CAV3: variants seen among roughly 807,000 people sequenced by gnomAD.
CAV3 encodes caveolin 3.
In CAV3, 10 loss-of-function variants were observed where a neutral mutation model predicts 13.4. The observed-to-expected ratio is 0.75, with a 90% CI of 0.46 to 1.27. CAV3 has a LOEUF of 1.27. Among genes scored for constraint, CAV3 ranks in the 50% most tolerant of loss-of-function variants. The probability of loss-of-function intolerance (pLI) is 0.00; values close to 1 mark genes in which losing one functional copy is unlikely to be tolerated. For missense variants in CAV3, 162 were observed against 194.0 expected (o/e 0.83, Z 0.98); for synonymous variants, 90 against 79.0 (o/e 1.14, Z -0.74).
chr3:8,734,205 A>T (rs528327767), intron 1 of CAV3, among the ~76,000 whole-genome samples: 1 of 150,486 alleles, frequency 6.6e-6, no homozygotes, highest in Non-Finnish European at 1.5e-5. Flanking sequence ...GCAAAAAATT[A>T]GCCTCATCTC....
In CAV3 at chr3:8,745,883, C is replaced by T; in HGVS notation, c.*16C>T. On this transcript the variant is annotated 3_prime_UTR_variant, in exon 2 of 2. Coordinates refer to ENST00000343849, the MANE Select transcript of CAV3 (RefSeq NM_033337.3). This position sits in a 1 kb window ranked among gnomAD's most constrained non-coding sequence, Gnocchi z 4.8. The stretch of plus-strand genomic sequence containing the variant: ...GGAGGTCTAAAGCCAGGTGGGGCAA[C>T]AGCGGTGGCAGGGCAGGGGGTGGTG... 6.2e-7 allele frequency: 1 copy of T among 1,602,062 alleles called. No individual in the cohort carries two copies. Among genetic ancestry groups the T allele is most frequent in the Admixed American group, 1.7e-5 (1 of 59,872 alleles).
intron 1 of CAV3, among the ~76,000 whole-genome samples, chr3:8,744,692 C>A (rs190379923): frequency 3.3e-5 from 5 of 152,244 alleles, no homozygotes; most frequent in African/African-American, 1.2e-4. Context: ...ATGTGAGGAA[C>A]CTCTGCCTGT....
chr3:8,735,140 C>G (rs1481231373), intron 1 of CAV3, among the ~76,000 whole-genome samples: 1 of 152,216 alleles, frequency 6.6e-6, no homozygotes, highest in Non-Finnish European at 1.5e-5. Flanking sequence ...GCATTGGAAT[C>G]TCAGGCCAGT....
At chr3:8,738,006 C>T (rs1707818210) in intron 1 of CAV3, among the ~76,000 whole-genome samples, 1 of 151,614 alleles carries the variant, frequency 6.6e-6, no homozygotes, top group Non-Finnish European at 1.5e-5. Context: ...CTCTCTCTCT[C>T]CTCTTTCTTC....
At chr3:8,741,992 T>A (rs1219584943) in intron 1 of CAV3, among the ~76,000 whole-genome samples, 1 of 152,186 alleles carries the variant, frequency 6.6e-6, no homozygotes. Flanking sequence ...CTGCACACAG[T>A]GTCCTGAGCC....
chr3:8,740,162 G>T (rs554310444), intron 1 of CAV3, among the ~76,000 whole-genome samples: 1 of 152,108 alleles, frequency 6.6e-6, no homozygotes, highest in African/African-American at 2.4e-5. Context: ...TTCTAACATG[G>T]GGGCTCAGTG....
In CAV3 at chr3:8,745,095, C is replaced by T. The variant is rs1385422488; in HGVS notation, c.115-431C>T. The stretch of plus-strand genomic sequence containing the variant: ...GGTGATCGGATCACAGAGGCAGATC[C>T]CTCGTGGCTTAGTGCTGTCCTCACA... On this transcript the variant is annotated intron_variant, in intron 1 of 1. Coordinates refer to ENST00000343849, the MANE Select transcript of CAV3 (RefSeq NM_033337.3). The surrounding 1 kb of genome is among the most constrained non-coding windows in gnomAD (Gnocchi z 4.8). The T allele has an allele frequency of 1.7e-5, 3 of 176,240 alleles. No homozygotes were observed. The highest frequency in any genetic ancestry group is 7.1e-5 in the African/African-American group (3 of 42,130). 10.9% of individuals were successfully genotyped at this position (176,240 alleles called of 1,614,324 possible).
At chr3:8,736,666 C>T (rs949813201) in intron 1 of CAV3, among the ~76,000 whole-genome samples, 37 of 152,206 alleles carry the variant, frequency 2.4e-4, no homozygotes, top group Admixed American at 2.4e-3. Context: ...GAGGGAGCGG[C>T]GGGGGCGGCG....
At position 8,733,918 on chromosome 3, in the gene CAV3, CAAGGAT is replaced by C; in HGVS notation, c.44_49del (p.Lys15_Asp16del). ...ACACAGATCTCGAGGCCCAGATCGT[CAAGGAT>C]ATCCACTGCAAGGAGATTGACCTGG... On this transcript the variant is annotated inframe_deletion, in exon 1 of 2. Transcript: ENST00000343849. 6.2e-7 allele frequency: 1 copy of C among 1,613,524 alleles called. No individual in the cohort carries two copies. Among genetic ancestry groups the C allele is most frequent in the South Asian group, 1.1e-5 (1 of 91,028 alleles).
intron 1 of CAV3, 21 bp downstream of exon 1, chr3:8,734,011 T>G: frequency 1.4e-6 from 2 of 1,434,692 alleles, no homozygotes; most frequent in Non-Finnish European, 2.0e-6. Context: ...CAGGCCTGCC[T>G]CGGCGGGCGG....
rs778914298 is a variant in CAV3 at position 8,733,882 on chromosome 3, GGCAGAAGA to G, written c.10_17del (p.Glu4HisfsTer17). ...TGGATCCCCCCAGCTCTGCGATGATGGCAGAAGAGCACACAGATCTCGAGGCCCAGATC... is the reference window on the plus strand; with the variant it reads ...TGGATCCCCCCAGCTCTGCGATGATGGCACACAGATCTCGAGGCCCAGATC... On this transcript the variant is annotated frameshift_variant, in exon 1 of 2. Transcript: ENST00000343849. LOFTEE classifies it high-confidence loss of function. 8 of 1,601,890 alleles carry G rather than the reference GGCAGAAGA, an allele frequency of 5.0e-6. No homozygotes were observed. The African/African-American group carries it at 9.4e-5, about 19-fold the overall frequency.
At chr3:8,734,382 C>T (rs1175085278) in intron 1 of CAV3, among the ~76,000 whole-genome samples, 1 of 152,186 alleles carries the variant, frequency 6.6e-6, no homozygotes, top group African/African-American at 2.4e-5. Flanking sequence ...TGCGGTCTCT[C>T]CAGTGGGTGC....
intron 1 of CAV3, 57 bp downstream of exon 1, chr3:8,734,047 G>A (rs1707659363): frequency 3.2e-6 from 3 of 951,918 alleles, no homozygotes; most frequent in Admixed American, 1.8e-5. Flanking sequence ...CGAGACGTGG[G>A]CGCTTGGCAG....
chr3:8,742,092 C>T (rs752538206), intron 1 of CAV3, among the ~76,000 whole-genome samples: 1 of 152,058 alleles, frequency 6.6e-6, no homozygotes, highest in Non-Finnish European at 1.5e-5. Flanking sequence ...ATGAAGTCAC[C>T]GTATGCTTGT....
chr3:8,737,625 G>T lies in CAV3; in HGVS notation c.114+3635G>T, dbSNP rs190539170. Among the ~76,000 whole-genome samples the T allele has an allele frequency of 1.5e-3, 224 of 152,200 alleles. 3 individuals are homozygous for T. In the South Asian group the frequency reaches 0.016, roughly 11 times the overall value. On this transcript the variant is annotated intron_variant, in intron 1 of 1. Coordinates refer to ENST00000343849, the MANE Select transcript of CAV3 (RefSeq NM_033337.3). The stretch of plus-strand genomic sequence containing the variant: ...GAGATTGTAGCTGAGGAACTGGGGG[G>T]AGCACACCCCCATTTCTGTTGCCAC...
intron 1 of CAV3, among the ~76,000 whole-genome samples, chr3:8,739,022 T>TCATCCAATCC (rs1181166794): frequency 2.6e-5 from 4 of 152,158 alleles, no homozygotes; most frequent in African/African-American, 9.7e-5. Flanking sequence ...TAATAGAGGG[T>TCATCCAATCC]CATCCAATCC....
chr3:8,745,699 C>T lies in CAV3; in HGVS notation c.288C>T (p.Ser96=), dbSNP rs1199100373. 1 of 1,614,182 alleles carries T rather than the reference C, an allele frequency of 6.2e-7. No individual in the cohort carries two copies. Among genetic ancestry groups the T allele is most frequent in the Non-Finnish European group, 8.5e-7 (1 of 1,180,040 alleles). Residue 96 remains serine (S), a synonymous_variant, in exon 2 of 2, where the codon TCC becomes TCT. Transcript: ENST00000343849. The surrounding 1 kb of genome is among the most constrained non-coding windows in gnomAD (Gnocchi z 4.8). ...LLWGFLFACI[S]FCHIWAVVPC... is the part of the protein sequence containing the mutation. ...GGGGCTTCCTGTTCGCCTGCATCTC[C>T]TTCTGCCACATCTGGGCGGTGGTGC... is the stretch of plus-strand genomic sequence containing the variant.
At chr3:8,742,862 T>G (rs11715632) in intron 1 of CAV3, among the ~76,000 whole-genome samples, 2 of 152,106 alleles carry the variant, frequency 1.3e-5, no homozygotes, top group African/African-American at 4.8e-5. Context: ...TTCATTGCTA[T>G]AAAGGAATAC....
At position 8,745,438 on chromosome 3, in the gene CAV3, G is replaced by A; in HGVS notation, c.115-88G>A. 8 of 1,005,302 alleles carry A rather than the reference G, an allele frequency of 8.0e-6. 1 individual carries two copies. In the South Asian group the frequency reaches 1.1e-4, roughly 13 times the overall value. The allele number at this position is 1,005,302 out of a possible 1,614,324, so 62.3% of individuals were successfully genotyped here. Reference sequence around the variant, plus strand: ...CCACCAAGGTTAACCTGACCTCTAGGGGATTCTGACACATGCACGCACACA... The same window carrying A: ...CCACCAAGGTTAACCTGACCTCTAGAGGATTCTGACACATGCACGCACACA... On this transcript the variant is annotated intron_variant, in intron 1 of 1. Coordinates refer to ENST00000343849, the MANE Select transcript of CAV3 (RefSeq NM_033337.3). This position sits in a 1 kb window ranked among gnomAD's most constrained non-coding sequence, Gnocchi z 4.8.
Sources: allele counts gnomAD v4.1 joint callset (sites outside exome capture counted in the v4.1 genomes callset), GRCh38; gene constraint gnomAD v4.1.1; non-coding constraint Gnocchi (gnomAD v3.1); transcripts MANE v1.5; gene names NCBI Gene and HGNC (gene_info 2026-07-23, HGNC 2026-07-21).